FAT1: variants seen among roughly 807,000 people sequenced by gnomAD.
The protein encoded by FAT1 is FAT atypical cadherin 1.
FAT1 carries 171 observed loss-of-function variants against 329.8 expected under a neutral mutation model. The ratio of observed to expected loss-of-function variants is 0.52; its 90% CI spans 0.46 to 0.59. The LOEUF is 0.59. Among genes scored for constraint, FAT1 ranks in the 20% least tolerant of loss-of-function variants. The pLI is 0.00. For missense variants in FAT1, 5,672 were observed against 5,774.4 expected, an observed-to-expected ratio of 0.98 and a Z score of 0.57; for synonymous variants, 2,233 against 2,228.6, an observed-to-expected ratio of 1.00 and a Z score of -0.06.
At chr4:186,677,741 A>C (rs1319978447) in intron 2 of FAT1, among the ~76,000 whole-genome samples, 3 of 152,204 alleles carry the variant, frequency 2.0e-5, no homozygotes, top group Admixed American at 6.5e-5. Context: ...TATTTTATGC[A>C]AACAGGAAAC....
chr4:186,681,107 G>A (rs1013739444), intron 2 of FAT1, among the ~76,000 whole-genome samples: 4 of 152,134 alleles, frequency 2.6e-5, no homozygotes, highest in African/African-American at 9.7e-5. Flanking sequence ...AGTGAATGTA[G>A]GTTTTATTCT....
In FAT1 at chr4:186,609,182, C is replaced by G; in HGVS notation, c.10206+1G>C. The stretch of plus-strand genomic sequence containing the variant: ...AACGTAAATCAACCTTTTTCACTTA[C>G]CGTTTCTCGGTCGAGAAGTTTGGTC... On this transcript the variant is annotated splice_donor_variant, in intron 16 of 26. Transcript: ENST00000441802. LOFTEE classifies it high-confidence loss of function. 6.2e-7 allele frequency: 1 copy of G among 1,610,518 alleles called. No individual in the cohort carries two copies. Among genetic ancestry groups the G allele is most frequent in the Non-Finnish European group, 8.5e-7 (1 of 1,178,858 alleles).
intron 2 of FAT1, among the ~76,000 whole-genome samples, chr4:186,674,773 C>G (rs765502033): frequency 6.6e-6 from 1 of 152,198 alleles, no homozygotes; most frequent in Non-Finnish European, 1.5e-5. Context: ...GTGGTTCACA[C>G]CTGTAATCCC....
intron 2 of FAT1, among the ~76,000 whole-genome samples, chr4:186,681,818 G>A (rs1743221025): frequency 6.6e-6 from 1 of 152,146 alleles, no homozygotes. Context: ...AACATGAAAG[G>A]ACAATAAAAA....
chr4:186,608,795 A>C (rs563450128), intron 16 of FAT1, among the ~76,000 whole-genome samples: 5 of 152,180 alleles, frequency 3.3e-5, no homozygotes, highest in South Asian at 2.1e-4. Context: ...AAAGTCCCCT[A>C]AATATATTTC....
chr4:186,692,323 A>ATTT (rs59626897), intron 2 of FAT1, among the ~76,000 whole-genome samples: 4,714 of 151,736 alleles, frequency 0.031, 252 homozygotes, highest in African/African-American at 0.11. Context: ...TTATTTATTT[A>ATTT]TTTTTTTGAG....
intron 3 of FAT1, among the ~76,000 whole-genome samples, chr4:186,651,029 AAATAATTT>A (rs1331052021): frequency 6.6e-6 from 1 of 150,658 alleles, no homozygotes; most frequent in Non-Finnish European, 1.5e-5. Context: ...TTAAATAATT[AAATAATTT>A]ATTTACTATT....
At chr4:186,690,925 T>C (rs1743730326) in intron 2 of FAT1, among the ~76,000 whole-genome samples, 1 of 152,184 alleles carries the variant, frequency 6.6e-6, no homozygotes, top group Non-Finnish European at 1.5e-5. Flanking sequence ...TTTGATATGT[T>C]GGACTAAATA....
At position 186,596,224 on chromosome 4, in the gene FAT1, C is replaced by T. The variant is rs1448836497; in HGVS notation, c.13000+316G>A. On this transcript the variant is annotated intron_variant, in intron 25 of 26. Transcript: ENST00000441802. This position sits in a 1 kb window ranked among gnomAD's most constrained non-coding sequence, Gnocchi z 4.7. Reference sequence around the variant, plus strand: ...TTTTAAAAATCCTAGCATGAAAATGCTCCCGATTATTTTTTTGACATATTA... The same window carrying T: ...TTTTAAAAATCCTAGCATGAAAATGTTCCCGATTATTTTTTTGACATATTA... Among the ~76,000 whole-genome samples the T allele has an allele frequency of 2.0e-5, 3 of 152,100 alleles. No homozygotes were observed. The highest frequency in any genetic ancestry group is 4.4e-5 in the Non-Finnish European group (3 of 68,012).
chr4:186,656,089 G>A (rs567666866), intron 3 of FAT1, among the ~76,000 whole-genome samples: 5 of 152,344 alleles, frequency 3.3e-5, no homozygotes, highest in African/African-American at 7.2e-5. Flanking sequence ...GGAAGGAACC[G>A]GGAAAGCTTG....
intron 1 of FAT1, among the ~76,000 whole-genome samples, chr4:186,722,783 A>C (rs966245487): frequency 6.6e-6 from 1 of 152,238 alleles, no homozygotes; most frequent in Admixed American, 6.5e-5. Flanking sequence ...TTTTCTTTTC[A>C]ATCTTTTCTC....
chr4:186,690,843 G>T (rs1051663987), intron 2 of FAT1, among the ~76,000 whole-genome samples: 10 of 152,120 alleles, frequency 6.6e-5, no homozygotes, highest in African/African-American at 2.4e-4. Context: ...CTGATTTAAA[G>T]ACTTCATAGG....
chr4:186,624,314 T>G (rs1252028598), intron 9 of FAT1, among the ~76,000 whole-genome samples: 2 of 152,178 alleles, frequency 1.3e-5, no homozygotes, highest in African/African-American at 4.8e-5. Flanking sequence ...TACACAGAAC[T>G]GTGAAGGGGA....
rs201742077 is a variant in FAT1, at chr4:186,628,601, T to C, written c.4486A>G (p.Ser1496Gly). 4.0e-5 allele frequency: 64 copies of C among 1,614,008 alleles called. No homozygotes were observed. The African/African-American group carries it at 6.9e-4, about 17-fold the overall frequency. The change falls in exon 8 of 27, where the codon AGT becomes GGT. Residue 1496 changes from serine to glycine, a missense_variant. Transcript: ENST00000441802. ...KNKLIYTLQS[S>G]RDPLSLKKFR... ...TTCTTGAGACTCAGTGGATCTCTAC[T>C]GCTCTGCAGAGTGTAGATTAGTTTG...
rs942332793 is a variant in FAT1, at chr4:186,708,450, G to A, written c.1378C>T (p.Pro460Ser). 1 of 1,613,954 alleles carries A rather than the reference G, an allele frequency of 6.2e-7. No individual in the cohort carries two copies. Among genetic ancestry groups the A allele is most frequent in the Non-Finnish European group, 8.5e-7 (1 of 1,179,884 alleles). Residue 460 changes from proline to serine, a missense_variant, in exon 2 of 27, where the codon CCC becomes TCC. Physicochemically the swap from Pro to Ser is moderately conservative, Grantham distance 74 (BLOSUM62 -1). Around this residue, in one of 2 missense-constraint regions of FAT1, gnomAD observed 3,966 missense variants for 3,915.2 expected, o/e 1.01. Transcript: ENST00000441802. ...LVKVLGANSNPPEFTQTAYKA... is the reference protein window; with the variant it reads ...LVKVLGANSNSPEFTQTAYKA... ...TACGCTGTCTGGGTAAATTCAGGGG[G>A]ATTGCTATTTGCACCTAAGACTTTC... is the stretch of plus-strand genomic sequence containing the variant.
Position 186,662,047 on chromosome 4 carries a change from T to C in FAT1, c.3580+1252A>G, listed in dbSNP as rs929197440. On this transcript the variant is annotated intron_variant, in intron 3 of 26. Coordinates refer to ENST00000441802, the MANE Select transcript of FAT1 (RefSeq NM_005245.4). ...GCCAGCCCCCCAAACACACACTTGG[T>C]CCCAGAAGTCTTCTGTGATGATGAT... Among the ~76,000 whole-genome samples, 16 of 127,934 alleles carry C rather than the reference T, an allele frequency of 1.3e-4. No individual in the cohort carries two copies. In the Admixed American group the frequency reaches 1.4e-3, roughly 11 times the overall value. The allele number at this position is 127,934 out of a possible 152,430, so 83.9% of individuals were successfully genotyped here. A position where few individuals can be genotyped will look rare whatever the true frequency, so the allele number is the denominator to read the frequency against.
chr4:186,655,684 C>G lies in FAT1; in HGVS notation c.3580+7615G>C, dbSNP rs979585539. ...CTGACCTCAAGTGATCCACAAGCCT[C>G]AGCCTCCCGAAGTGCTGGGATTACA... On this transcript the variant is annotated intron_variant, in intron 3 of 26. Coordinates refer to ENST00000441802, the MANE Select transcript of FAT1 (RefSeq NM_005245.4). Among the ~76,000 whole-genome samples, 10 of 152,278 alleles carry G rather than the reference C, an allele frequency of 6.6e-5. No individual in the cohort carries two copies. The East Asian group carries it at 9.7e-4, about 15-fold the overall frequency.
At chr4:186,702,663 T>C (rs771523506) in intron 2 of FAT1, among the ~76,000 whole-genome samples, 39 of 152,226 alleles carry the variant, frequency 2.6e-4, no homozygotes, top group Admixed American at 3.9e-4. Context: ...ATTTCATTGG[T>C]GCTCAAGTAA....
In FAT1 at chr4:186,685,359, C is replaced by T. The variant is rs192334494; in HGVS notation, c.3265+21204G>A. 1.3e-3 allele frequency among the ~76,000 whole-genome samples: 198 copies of T among 152,300 alleles called. 2 individuals carry two copies. Among genetic ancestry groups the T allele is most frequent in the African/African-American group, 3.8e-3 (160 of 41,560 alleles). On this transcript the variant is annotated intron_variant, in intron 2 of 26. Transcript: ENST00000441802. ...ACCACCACAATAAGAGCAACTTAGCCAAACCCCTCTATTTTTCAGTAACAC... is the reference window on the plus strand; with the variant it reads ...ACCACCACAATAAGAGCAACTTAGCTAAACCCCTCTATTTTTCAGTAACAC...
Sources: allele counts gnomAD v4.1 joint callset (sites outside exome capture counted in the v4.1 genomes callset), GRCh38; gene constraint gnomAD v4.1.1; regional missense constraint gnomAD v4.1.1; non-coding constraint Gnocchi (gnomAD v3.1); transcripts MANE v1.5; gene names NCBI Gene and HGNC (gene_info 2026-07-23, HGNC 2026-07-21).